FBXW10B: variants seen among roughly 807,000 people sequenced by gnomAD.
FBXW10B encodes F-box and WD repeat domain containing protein 10B.
the FBXW10B span, among the ~76,000 whole-genome samples, chr17:15,579,174 A>AAATAAATAAATAAAC: frequency 7.2e-6 from 1 of 139,180 alleles, no homozygotes; most frequent in African/African-American, 3.2e-5. Context: ...AATAAATAAA[A>AAATAAATAAATAAAC]AGGTGTCTGT....
the FBXW10B span, among the ~76,000 whole-genome samples, chr17:15,582,945 T>C: frequency 2.7e-3 from 391 of 146,194 alleles, 3 homozygotes; most frequent in Admixed American, 0.012. Flanking sequence ...AATTATGTGG[T>C]GGTGTGCCCA....
At chr17:15,585,857 T>C in the FBXW10B span, among the ~76,000 whole-genome samples, 1 of 152,230 alleles carries the variant, frequency 6.6e-6, no homozygotes, top group South Asian at 2.1e-4. Context: ...CTCCCACCTC[T>C]TGGTAGCCAC....
At chr17:15,581,494 T>C in the FBXW10B span, among the ~76,000 whole-genome samples, 5 of 152,234 alleles carry the variant, frequency 3.3e-5, no homozygotes, top group South Asian at 2.1e-4. Flanking sequence ...ATAGTGCAGG[T>C]AAGTCAGAAG....
the FBXW10B span, chr17:15,615,544 A>T: frequency 6.5e-7 from 1 of 1,543,146 alleles, no homozygotes. Flanking sequence ...CGATCTCCTG[A>T]CCTCATGATC....
chr17:15,596,559 T>G, the FBXW10B span: 3 of 1,611,310 alleles, frequency 1.9e-6, no homozygotes, highest in South Asian at 2.2e-5. Flanking sequence ...TCACCAGCCC[T>G]CGCTCACAGC....
the FBXW10B span, chr17:15,593,234 C>G: frequency 6.3e-7 from 1 of 1,579,134 alleles, no homozygotes; most frequent in African/African-American, 1.4e-5. Context: ...TGCACACTCT[C>G]TCCTCCTGAC....
the FBXW10B span, among the ~76,000 whole-genome samples, chr17:15,582,524 G>A: frequency 2.0e-5 from 3 of 151,484 alleles, no homozygotes; most frequent in African/African-American, 4.9e-5. Flanking sequence ...ATTATTGCTT[G>A]TCCTCTTTCT....
the FBXW10B span, among the ~76,000 whole-genome samples, chr17:15,605,632 A>T: frequency 1.3e-5 from 2 of 152,196 alleles, no homozygotes; most frequent in African/African-American, 4.8e-5. Context: ...ATTTCCGTTA[A>T]ATTTAAAAAC....
At chr17:15,613,844 T>C in the FBXW10B span, 4 of 1,609,026 alleles carry the variant, frequency 2.5e-6, no homozygotes, top group African/African-American at 1.4e-5. Flanking sequence ...TAGAATGTAC[T>C]TGGAGAGGTG....
the FBXW10B span, chr17:15,571,576 A>C: frequency 1.3e-5 from 2 of 152,246 alleles, no homozygotes; most frequent in Admixed American, 1.3e-4. Flanking sequence ...GCTAGTGTGA[A>C]TGCAGAATGG....
At chr17:15,575,894 A>G in the FBXW10B span, among the ~76,000 whole-genome samples, 1 of 152,322 alleles carries the variant, frequency 6.6e-6, no homozygotes, top group South Asian at 2.1e-4. Context: ...ATCTAAAGCT[A>G]TGATTCTGCT....
the FBXW10B span, among the ~76,000 whole-genome samples, chr17:15,617,543 T>G: frequency 6.6e-6 from 1 of 152,236 alleles, no homozygotes; most frequent in South Asian, 2.1e-4. Flanking sequence ...AAGTGAGGTT[T>G]GATGGGAGGT....
chr17:15,597,423 C>T, the FBXW10B span, among the ~76,000 whole-genome samples: 18 of 145,686 alleles, frequency 1.2e-4, no homozygotes, highest in Non-Finnish European at 1.9e-4. Context: ...GTCAGGAAAT[C>T]GAGACCAGCC....
the FBXW10B span, chr17:15,568,953 G>C: frequency 2.4e-6 from 3 of 1,231,608 alleles, no homozygotes; most frequent in Non-Finnish European, 3.0e-6. Context: ...CATCCCAGCT[G>C]ACTTCTCTGC....
chr17:15,615,321 C>A, the FBXW10B span, among the ~76,000 whole-genome samples: 2 of 88,732 alleles, frequency 2.3e-5, no homozygotes, highest in Non-Finnish European at 2.0e-5. Context: ...TATTGGCTTT[C>A]TTTTTTTTTT....
chr17:15,594,935 T>A, the FBXW10B span: 2 of 1,609,270 alleles, frequency 1.2e-6, no homozygotes, highest in Non-Finnish European at 1.7e-6. Context: ...CTGTGACTCC[T>A]CCAAGAACCA....
At chr17:15,607,490 T>G in the FBXW10B span, 2 of 1,224,434 alleles carry the variant, frequency 1.6e-6, no homozygotes, top group South Asian at 2.8e-5. Flanking sequence ...CCTTTCCATG[T>G]ACACAAAGGT....
the FBXW10B span, chr17:15,615,693 A>G: frequency 2.5e-6 from 4 of 1,613,766 alleles, no homozygotes; most frequent in Non-Finnish European, 2.5e-6. Flanking sequence ...GGGGCTTTGG[A>G]CAAAGGAAGG....
chr17:15,580,360 A>G, the FBXW10B span, among the ~76,000 whole-genome samples: 1 of 152,094 alleles, frequency 6.6e-6, no homozygotes, highest in Non-Finnish European at 1.5e-5. Context: ...ACTCACAGAG[A>G]TTATTAATTC....
Sources: allele counts gnomAD v4.1 joint callset (sites outside exome capture counted in the v4.1 genomes callset), GRCh38; gene constraint gnomAD v4.1.1; transcripts MANE v1.5; gene names NCBI Gene and HGNC (gene_info 2026-07-23, HGNC 2026-07-21).